The following PCNX3 variants were observed in gnomAD, a reference collection of about 807,000 sequenced individuals.
PCNX3 encodes the protein pecanex-like protein 3.
Under a neutral mutation model 207.2 loss-of-function variants are expected in PCNX3, and 58 were observed. The ratio of observed to expected loss-of-function variants is 0.28; its 90% CI spans 0.23 to 0.35. The LOEUF (loss-of-function observed/expected upper bound fraction) is 0.35. Among genes scored for constraint, PCNX3 ranks in the 10% least tolerant of loss-of-function variants. The pLI is 1.00. For missense variants in PCNX3, 2,410 were observed against 2,774.4 expected (o/e 0.87, Z 2.95); for synonymous variants, 1,337 against 1,183.5 (o/e 1.13, Z -2.66).
In PCNX3 at chr11:65,620,980, G is replaced by A. The variant is rs369507610; in HGVS notation, c.2235+14G>A. On this transcript the variant is annotated intron_variant, in intron 10 of 34. Coordinates refer to ENST00000355703, the MANE Select transcript of PCNX3 (RefSeq NM_032223.4). Reference sequence around the variant, plus strand: ...GAGATCCCGGAGGTGAGGAGCAGCCGGGGAAGGGCCGTGCCAGTGGGGCGT... The same window carrying A: ...GAGATCCCGGAGGTGAGGAGCAGCCAGGGAAGGGCCGTGCCAGTGGGGCGT... 757 of 1,525,734 alleles carry A rather than the reference G, an allele frequency of 5.0e-4. No individual in the cohort carries two copies. In the African/African-American group the frequency reaches 8.9e-3, roughly 18 times the overall value. The allele number at this position is 1,525,734 out of a possible 1,614,324, so 94.5% of individuals were successfully genotyped here. A position where few individuals can be genotyped will look rare whatever the true frequency, so the allele number is the denominator to read the frequency against.
Position 65,627,412 on chromosome 11 carries a change from G to A in PCNX3, c.3532G>A (p.Ala1178Thr). ...HPDKYCFYCR[A>T]LLMTVAGLKL... ...CCTGCCCCTTGCCCACAGCTGCCGG[G>A]CGCTGCTGATGACCGTGGCTGGGCT... The change falls in exon 22 of 35, where the codon GCG becomes ACG. Residue 1178 changes from alanine (A) to threonine (T), a missense_variant. This residue lies in a region of PCNX3 where 333 missense variants were observed against 386.8 expected (regional missense o/e 0.86). Transcript: ENST00000355703. The A allele has an allele frequency of 6.2e-7, 1 of 1,608,880 alleles. No homozygotes were observed. The highest frequency in any genetic ancestry group is 8.5e-7 in the Non-Finnish European group (1 of 1,179,772).
chr11:65,627,607 C>T, intron 22 of PCNX3, 25 bp downstream of exon 22: 3 of 1,611,350 alleles, frequency 1.9e-6, no homozygotes, highest in South Asian at 1.1e-5. Flanking sequence ...GTGGCCCAGA[C>T]CCCAGGCTGT....
Position 65,634,182 on chromosome 11 carries a change from G to C in PCNX3, c.4527G>C (p.Glu1509Asp), listed in dbSNP as rs1218798888. 3 of 1,613,552 alleles carry C rather than the reference G, an allele frequency of 1.9e-6. No homozygotes were observed. Among genetic ancestry groups the C allele is most frequent in the Non-Finnish European group, 2.5e-6 (3 of 1,179,850 alleles). The change falls in exon 28 of 35, where the codon GAG becomes GAC. Residue 1509 changes from glutamate to aspartate, a missense_variant. By Grantham distance (45) the Glu-to-Asp change is conservative. This residue lies in a region of PCNX3 where 420 missense variants were observed against 705.3 expected (regional missense o/e 0.60). Coordinates refer to ENST00000355703, the MANE Select transcript of PCNX3 (RefSeq NM_032223.4). Reference protein sequence around the residue: ...SPKLEVWLSHEGITAALRPVR... With the variant: ...SPKLEVWLSHDGITAALRPVR... The stretch of plus-strand genomic sequence containing the variant: ...AGCTGGAGGTGTGGCTCAGCCATGA[G>C]GGCATCACGGCAGCCCTGAGGCCTG...
Position 65,627,466 on chromosome 11 carries a change from C to T in PCNX3, c.3586C>T (p.Pro1196Ser). ...GCTGCTGCGCTCAGCCTTCTGCTGC[C>T]CCCCACAGCAGTACCTGACGTTGGC... Reference protein sequence around the residue: ...LKLLRSAFCCPPQQYLTLAFT... With the variant: ...LKLLRSAFCCSPQQYLTLAFT... Residue 1196 changes from proline to serine, a missense_variant, in exon 22 of 35, where the codon CCC becomes TCC. Pro to Ser is a moderately conservative substitution (Grantham distance 74). Coordinates refer to ENST00000355703, the MANE Select transcript of PCNX3 (RefSeq NM_032223.4). The T allele has an allele frequency of 1.9e-6, 3 of 1,613,598 alleles. No individual in the cohort carries two copies. Among genetic ancestry groups the T allele is most frequent in the Non-Finnish European group, 1.7e-6 (2 of 1,179,860 alleles).
intron 4 of PCNX3, 43 bp downstream of exon 4, chr11:65,617,552 CAG>C (rs768065427): frequency 9.3e-5 from 150 of 1,613,744 alleles, no homozygotes; most frequent in South Asian, 7.7e-5. Context: ...TGCTGTGGAA[CAG>C]GGGCTGGCGT....
At position 65,620,889 on chromosome 11, in the gene PCNX3, G is replaced by A. The variant is rs752161958; in HGVS notation, c.2158G>A (p.Gly720Ser). The A allele has an allele frequency of 6.5e-5, 102 of 1,576,786 alleles. 1 individual carries two copies. In the South Asian group the frequency reaches 9.1e-4, roughly 14 times the overall value. ...GGCTGATGTCCCTGAGGCTACAGGC[G>A]GCCTGAACCTGCTGCAGCCGAGGCC... Reference protein sequence around the residue: ...HSADVPEATGGLNLLQPRPVV... With the variant: ...HSADVPEATGSLNLLQPRPVV... The change falls in exon 10 of 35, where the codon GGC becomes AGC. Residue 720 changes from glycine (G) to serine (S), a missense_variant. By Grantham distance (56) the Gly-to-Ser change is moderately conservative (BLOSUM62 0). Transcript: ENST00000355703.
Position 65,618,360 on chromosome 11 carries a change from A to C in PCNX3, c.998A>C (p.Glu333Ala). ...AGCCCCCCAGGGGGGCCAGCCCCTG[A>C]GGGCAGCGACACAGACCCACCCTCT... The part of the protein sequence containing the change: ...LDSPPGGPAP[E>A]GSDTDPPSEA... Residue 333 changes from glutamate to alanine, a missense_variant, in exon 6 of 35, where the codon GAG becomes GCG. By Grantham distance (107) the Glu-to-Ala change is moderately radical. Around this residue, in one of 8 missense-constraint regions of PCNX3, gnomAD observed 1,104 missense variants for 970.3 expected, o/e 1.14. Coordinates refer to ENST00000355703, the MANE Select transcript of PCNX3 (RefSeq NM_032223.4). 2 of 1,612,476 alleles carry C rather than the reference A, an allele frequency of 1.2e-6. No individual in the cohort carries two copies. The highest frequency in any genetic ancestry group is 1.7e-6 in the Non-Finnish European group (2 of 1,179,652).
Position 65,616,933 on chromosome 11 carries a change from G to T in PCNX3, c.263G>T (p.Gly88Val). The change falls in exon 2 of 35, where the codon GGC becomes GTC. Residue 88 changes from glycine to valine, a missense_variant. By Grantham distance (109) the Gly-to-Val change is moderately radical. This residue lies in a region of PCNX3 where 1,104 missense variants were observed against 970.3 expected (regional missense o/e 1.14). Coordinates refer to ENST00000355703, the MANE Select transcript of PCNX3 (RefSeq NM_032223.4). ...NYRLHAMFDQ[G>V]EIVEKRSSTM... ...CGGCTTCATGCCATGTTTGACCAGG[G>T]CGAGATCGTGGAGAAGCGCAGCTCT... 3 of 1,613,510 alleles carry T rather than the reference G, an allele frequency of 1.9e-6. No homozygotes were observed. The highest frequency in any genetic ancestry group is 2.5e-6 in the Non-Finnish European group (3 of 1,179,862).
Position 65,617,310 on chromosome 11 carries a change from C to T in PCNX3, c.402C>T (p.Cys134=). Reference sequence around the variant, plus strand: ...TCAGTTCCACACCCCCGGTGCGCTGCAGCTCCCAGCACTCTGTGTTTGGCT... The same window carrying T: ...TCAGTTCCACACCCCCGGTGCGCTGTAGCTCCCAGCACTCTGTGTTTGGCT... ...RKVSSTPPVR[C]SSQHSVFGFN... is the part of the protein sequence containing the mutation. Residue 134 remains cysteine, a synonymous_variant, in exon 3 of 35, where the codon TGC becomes TGT. Transcript: ENST00000355703. 3 of 1,612,408 alleles carry T rather than the reference C, an allele frequency of 1.9e-6. No individual in the cohort carries two copies. The highest frequency in any genetic ancestry group is 2.2e-5 in the South Asian group (2 of 90,678).
chr11:65,634,697 C>T (rs1181694427), intron 29 of PCNX3, 56 bp downstream of exon 29: 21 of 1,454,316 alleles, frequency 1.4e-5, no homozygotes, highest in Middle Eastern at 2.3e-4. Flanking sequence ...ACCTCTTCCA[C>T]GAAGAGCACT....
At position 65,636,683 on chromosome 11, in the gene PCNX3, A is replaced by G. The variant is rs768012267; in HGVS notation, c.5886A>G (p.Lys1962=). 1.3e-6 allele frequency: 2 copies of G among 1,580,564 alleles called. No homozygotes were observed. Among genetic ancestry groups the G allele is most frequent in the Non-Finnish European group, 1.7e-6 (2 of 1,165,492 alleles). ...GGAGCCCCAAAGGAGGTACCCCCAA[A>G]TCTCAGGTAAGGCACCTGTGGGAGG... ...ASGSPKGGTP[K]SQAPLDLSLS... The change falls in exon 34 of 35, where the codon AAA becomes AAG. Residue 1962 remains lysine, a synonymous_variant. Transcript: ENST00000355703.
chr11:65,637,243 G>A lies in PCNX3; in HGVS notation c.*265G>A, dbSNP rs1198060255. On this transcript the variant is annotated 3_prime_UTR_variant, in exon 35 of 35. Coordinates refer to ENST00000355703, the MANE Select transcript of PCNX3 (RefSeq NM_032223.4). ...GCCCTAAGAGCCAAACCATGGGCTG[G>A]TCCCACTTGGAGCCTGTGGCCAGGA... 2 of 518,976 alleles carry A rather than the reference G, an allele frequency of 3.9e-6. No homozygotes were observed. Among genetic ancestry groups the A allele is most frequent in the Non-Finnish European group, 6.9e-6 (2 of 288,082 alleles). The allele number at this position is 518,976 out of a possible 1,614,324, so 32.1% of individuals were successfully genotyped here. A position where few individuals can be genotyped will look rare whatever the true frequency, so the allele number is the denominator to read the frequency against.
intron 11 of PCNX3, among the ~76,000 whole-genome samples, chr11:65,623,151 C>T (rs754548387): frequency 2.0e-5 from 3 of 152,350 alleles, no homozygotes; most frequent in Middle Eastern, 3.4e-3. Context: ...GTGTGCATAG[C>T]GTGGCACGCC....
rs999536110 is a variant in PCNX3 at position 65,618,327 on chromosome 11, A to G, written c.965A>G (p.His322Arg). 3.1e-6 allele frequency: 5 copies of G among 1,611,320 alleles called. No individual in the cohort carries two copies. The highest frequency in any genetic ancestry group is 3.3e-5 in the Admixed American group (2 of 59,984). The change falls in exon 6 of 35, where the codon CAT becomes CGT. Residue 322 changes from histidine to arginine, a missense_variant. Transcript: ENST00000355703. ...SFKSEKTNSTHLDSPPGGPAP... is the reference protein window; with the variant it reads ...SFKSEKTNSTRLDSPPGGPAP... ...AAGAGTGAGAAGACCAACTCCACCCATCTGGACAGCCCCCCAGGGGGGCCA... is the reference window on the plus strand; with the variant it reads ...AAGAGTGAGAAGACCAACTCCACCCGTCTGGACAGCCCCCCAGGGGGGCCA...
rs765911426 is a variant in PCNX3 at position 65,630,338 on chromosome 11, C to A, written c.4217-13C>A. 6 of 1,611,824 alleles carry A rather than the reference C, an allele frequency of 3.7e-6. No individual in the cohort carries two copies. Among genetic ancestry groups the A allele is most frequent in the Admixed American group, 1.7e-5 (1 of 59,960 alleles). The stretch of plus-strand genomic sequence containing the variant: ...GTTCTAGCAGCCCCTGACTGCACAC[C>A]CCTCCTCCACAGGCACTTACTGCCA... On this transcript the variant is annotated splice_polypyrimidine_tract_variant and intron_variant, in intron 26 of 34. Transcript: ENST00000355703.
rs370411323 is a variant in PCNX3, at chr11:65,635,456, C to T, written c.5184+8C>T. On this transcript the variant is annotated splice_region_variant and intron_variant, in intron 31 of 34. Transcript: ENST00000355703. This position sits in a 1 kb window ranked among gnomAD's most constrained non-coding sequence, Gnocchi z 9.9. ...AGCTTCCGAGTCATCAAGGTTGGGC[C>T]GGCCCCACCTGCCCTAAGCCCTGCC... is the stretch of plus-strand genomic sequence containing the variant. 1.2e-4 allele frequency: 186 copies of T among 1,608,468 alleles called. 4 individuals carry two copies. The highest frequency in any genetic ancestry group is 5.4e-4 in the East Asian group (24 of 44,838).
chr11:65,616,637 C>G (rs1454173610), intron 1 of PCNX3, among the ~76,000 whole-genome samples, 173 bp downstream of exon 1: 2 of 152,164 alleles, frequency 1.3e-5, no homozygotes, highest in Non-Finnish European at 2.9e-5. Context: ...TGACCTTGAA[C>G]CCTACACTTA....
chr11:65,633,192 C>A (rs1490342246), intron 27 of PCNX3, among the ~76,000 whole-genome samples: 2 of 152,218 alleles, frequency 1.3e-5, no homozygotes, highest in African/African-American at 2.4e-5. Flanking sequence ...CACATGGAAT[C>A]CCCATCACCT....
intron 29 of PCNX3, 144 bp from the exon 30 acceptor site, chr11:65,634,829 G>C (rs1855761704): frequency 7.8e-7 from 1 of 1,286,298 alleles, no homozygotes; most frequent in Non-Finnish European, 1.1e-6. Context: ...CTCTGTGAGA[G>C]ACATGGGCAG....
Sources: allele counts gnomAD v4.1 joint callset (sites outside exome capture counted in the v4.1 genomes callset), GRCh38; gene constraint gnomAD v4.1.1; regional missense constraint gnomAD v4.1.1; non-coding constraint Gnocchi (gnomAD v3.1); transcripts MANE v1.5; gene names NCBI Gene and HGNC (gene_info 2026-07-23, HGNC 2026-07-21).